Variants in RGS7BP observed in about 807,000 individuals in gnomAD.
RGS7BP encodes regulator of G protein signaling 7-binding protein.
Under a neutral mutation model 31.3 loss-of-function variants are expected in RGS7BP, and 9 were observed. The observed-to-expected ratio is 0.29, with a 90% CI of 0.17 to 0.50. The LOEUF is 0.50. RGS7BP is among the 20% of genes least tolerant of loss of function. RGS7BP has a pLI of 0.98. For synonymous variants in RGS7BP, 115 were observed against 120.1 expected (o/e 0.96, Z 0.28); for missense variants, 274 against 322.0 (o/e 0.85, Z 1.14).
chr5:64,594,840 C>T lies in RGS7BP; in HGVS notation c.594C>T (p.Asp198=), dbSNP rs1561348151. 6.2e-7 allele frequency: 1 copy of T among 1,613,616 alleles called. No individual in the cohort carries two copies. The highest frequency in any genetic ancestry group is 1.1e-5 in the South Asian group (1 of 91,048). The stretch of plus-strand genomic sequence containing the variant: ...AACATTCCTGGCAGGTTTCCACAGA[C>T]ATTGAGAACACTGAAAGGTAAGTGG... ...SQQHSWQVST[D]IENTERDMRE... Residue 198 remains aspartate (D), a synonymous_variant, in exon 4 of 6, where the codon GAC becomes GAT. Coordinates refer to ENST00000334025, the MANE Select transcript of RGS7BP (RefSeq NM_001029875.3).
intron 2 of RGS7BP, among the ~76,000 whole-genome samples, chr5:64,564,055 G>C (rs57471425): frequency 1.3e-5 from 2 of 152,120 alleles, no homozygotes; most frequent in Non-Finnish European, 2.9e-5. Context: ...AGTCAAAAGA[G>C]TTAACTCCCT....
intron 2 of RGS7BP, among the ~76,000 whole-genome samples, chr5:64,551,583 T>C (rs1741798043): frequency 6.6e-6 from 1 of 151,556 alleles, no homozygotes; most frequent in African/African-American, 2.4e-5. Flanking sequence ...TAGAGTGTGC[T>C]TCAATTCATC....
intron 3 of RGS7BP, among the ~76,000 whole-genome samples, chr5:64,589,737 G>A (rs1349323358): frequency 6.6e-6 from 1 of 151,910 alleles, no homozygotes; most frequent in East Asian, 1.9e-4. Flanking sequence ...ATCAGTTTGA[G>A]CAACACAGTA....
rs1403006753 is a variant in RGS7BP at position 64,515,622 on chromosome 5, A to ACTGCC, written c.332+7746_332+7750dup. Among the ~76,000 whole-genome samples the ACTGCC allele has an allele frequency of 5.9e-5, 9 of 152,116 alleles. No homozygotes were observed. The East Asian group carries it at 1.7e-3, about 29-fold the overall frequency. On this transcript the variant is annotated intron_variant, in intron 2 of 5. Transcript: ENST00000334025. ...AGCACAGCTCCAGAGCAGTATCTAT[A>ACTGCC]CTGCCTGTTTATTTCCTTTGCTTTA...
At chr5:64,572,695 G>A (rs1046275455) in intron 2 of RGS7BP, among the ~76,000 whole-genome samples, 3 of 152,016 alleles carry the variant, frequency 2.0e-5, no homozygotes, top group Admixed American at 2.0e-4. Context: ...CACCTATTCA[G>A]TTCTTCTTGC....
At position 64,609,383 on chromosome 5, in the gene RGS7BP, G is replaced by A; in HGVS notation, c.*131G>A. The stretch of plus-strand genomic sequence containing the variant: ...CTATGCTTCCTTATTACTTTTATCT[G>A]CCTCCCCCTGCCCTTTTAAATGATT... On this transcript the variant is annotated 3_prime_UTR_variant, in exon 6 of 6. Coordinates refer to ENST00000334025, the MANE Select transcript of RGS7BP (RefSeq NM_001029875.3). 1.6e-6 allele frequency: 1 copy of A among 617,618 alleles called. No homozygotes were observed. Among genetic ancestry groups the A allele is most frequent in the East Asian group, 2.7e-5 (1 of 36,514 alleles). The allele number at this position is 617,618 out of a possible 1,614,324, so 38.3% of individuals were successfully genotyped here. A position where few individuals can be genotyped will look rare whatever the true frequency, so the allele number is the denominator to read the frequency against.
intron 5 of RGS7BP, among the ~76,000 whole-genome samples, chr5:64,604,385 G>A (rs759535643): frequency 4.6e-5 from 7 of 152,076 alleles, no homozygotes; most frequent in African/African-American, 1.4e-4. Flanking sequence ...TCTTTCTTAC[G>A]GCATTTTTCA....
intron 5 of RGS7BP, among the ~76,000 whole-genome samples, chr5:64,604,801 C>A (rs527299721): frequency 2.6e-5 from 4 of 151,196 alleles, no homozygotes; most frequent in African/African-American, 7.4e-5. Context: ...AATCTTTTAT[C>A]AGCAAAATAA....
chr5:64,511,567 G>C (rs893054961), intron 2 of RGS7BP, among the ~76,000 whole-genome samples: 3 of 152,190 alleles, frequency 2.0e-5, no homozygotes, highest in African/African-American at 7.2e-5. Context: ...GGGTGTGTGT[G>C]TATGTGTCCA....
At chr5:64,521,482 C>T (rs954413754) in intron 2 of RGS7BP, among the ~76,000 whole-genome samples, 1 of 152,180 alleles carries the variant, frequency 6.6e-6, no homozygotes, top group Admixed American at 6.5e-5. Context: ...GTCTCAAACT[C>T]CTGACCTCGG....
At chr5:64,577,440 G>GA (rs755221814) in intron 3 of RGS7BP, among the ~76,000 whole-genome samples, 235 of 149,174 alleles carry the variant, frequency 1.6e-3, no homozygotes, top group African/African-American at 2.6e-3. Context: ...ACTCCATCTC[G>GA]AAAAAAAAAT....
intron 5 of RGS7BP, among the ~76,000 whole-genome samples, chr5:64,603,010 C>T (rs969747183): frequency 1.2e-4 from 19 of 152,056 alleles, no homozygotes; most frequent in African/African-American, 4.6e-4. Context: ...ACTGCAAGGA[C>T]TTAAGTAGTT....
chr5:64,594,481 A>G (rs1371371868), intron 3 of RGS7BP, among the ~76,000 whole-genome samples: 1 of 152,178 alleles, frequency 6.6e-6, no homozygotes, highest in African/African-American at 2.4e-5. Flanking sequence ...TTTAGGTTGC[A>G]TTGACCTCAA....
chr5:64,573,403 T>C lies in RGS7BP; in HGVS notation c.333-2371T>C, dbSNP rs1742345520. ...ATCCATATATGAAGTTTGCGTATTT[T>C]TGGAGCTAAGCCCCACTAGGCACAT... is the stretch of plus-strand genomic sequence containing the variant. On this transcript the variant is annotated intron_variant, in intron 2 of 5. Transcript: ENST00000334025. Among the ~76,000 whole-genome samples the C allele has an allele frequency of 3.9e-5, 6 of 152,308 alleles. No homozygotes were observed. The South Asian group carries it at 1.2e-3, about 32-fold the overall frequency.
intron 5 of RGS7BP, among the ~76,000 whole-genome samples, chr5:64,608,868 T>C (rs1003547234): frequency 6.6e-6 from 1 of 152,070 alleles, no homozygotes; most frequent in African/African-American, 2.4e-5. Context: ...TTCTCAGCCT[T>C]GAACTCTTTT....
chr5:64,573,184 T>C (rs112221897), intron 2 of RGS7BP, among the ~76,000 whole-genome samples: 20,812 of 151,870 alleles, frequency 0.14, 1,740 homozygotes, highest in Middle Eastern at 0.34. Flanking sequence ...TTCCATGGTG[T>C]TTATGAGCCA....
intron 3 of RGS7BP, among the ~76,000 whole-genome samples, chr5:64,587,492 G>A (rs539695281): frequency 5.2e-4 from 79 of 152,216 alleles, no homozygotes; most frequent in Middle Eastern, 3.4e-3. Flanking sequence ...AAGATTGCTG[G>A]AACTGCTGTC....
At position 64,538,528 on chromosome 5, in the gene RGS7BP, CT is replaced by C. The variant is rs200275665; in HGVS notation, c.332+30662del. On this transcript the variant is annotated intron_variant, in intron 2 of 5. Transcript: ENST00000334025. ...TTCTTTTTTTTTTTCCTTTTCTTTT[CT>C]TTTTTTTTTTCCTTTTCTTTTTTTT... Among the ~76,000 whole-genome samples, 45 of 43,062 alleles carry C rather than the reference CT, an allele frequency of 1.0e-3. 1 individual carries two copies. The highest frequency in any genetic ancestry group is 2.1e-3 in the African/African-American group (24 of 11,340). The allele number at this position is 43,062 out of a possible 152,430, so 28.3% of individuals were successfully genotyped here. A position where few individuals can be genotyped will look rare whatever the true frequency, so the allele number is the denominator to read the frequency against.
chr5:64,543,061 A>T (rs1741564805), intron 2 of RGS7BP, among the ~76,000 whole-genome samples: 2 of 152,356 alleles, frequency 1.3e-5, no homozygotes, highest in South Asian at 4.1e-4. Context: ...CATATTTAAA[A>T]GTAAGTGCTT....
Sources: allele counts gnomAD v4.1 joint callset (sites outside exome capture counted in the v4.1 genomes callset), GRCh38; gene constraint gnomAD v4.1.1; transcripts MANE v1.5; gene names NCBI Gene and HGNC (gene_info 2026-07-23, HGNC 2026-07-21).